The following SBK1 variants were observed in gnomAD, a reference collection of about 807,000 sequenced individuals.
SBK1 encodes serine/threonine-protein kinase SBK1.
In SBK1, 11 loss-of-function variants were observed where a neutral mutation model predicts 24.4. That is an observed-to-expected ratio of 0.45 (90% confidence interval 0.28 to 0.75). The LOEUF is 0.75. SBK1 is among the 30% of genes least tolerant of loss of function. The probability of loss-of-function intolerance (pLI) is 0.12; values close to 1 mark genes in which losing one functional copy is unlikely to be tolerated. For missense variants in SBK1, 467 were observed against 620.5 expected (o/e 0.75, Z 2.63); for synonymous variants, 308 against 284.4 (o/e 1.08, Z -0.83).
intron 1 of SBK1, among the ~76,000 whole-genome samples, chr16:28,314,146 ATTG>A (rs1235366022): frequency 1.0e-5 from 1 of 98,484 alleles, no homozygotes; most frequent in African/African-American, 2.9e-5. Context: ...TGTCGTTATT[ATTG>A]TTATTATTAT....
intron 1 of SBK1, among the ~76,000 whole-genome samples, chr16:28,275,985 C>A (rs1157795409): frequency 2.0e-5 from 3 of 152,146 alleles, no homozygotes; most frequent in African/African-American, 7.2e-5. Flanking sequence ...AAGAAGGGAA[C>A]CTCTGAAGAA....
At chr16:28,269,032 CTTTTTTTTTT>C (rs1223749659) in intron 1 of SBK1, among the ~76,000 whole-genome samples, 29 of 130,244 alleles carry the variant, frequency 2.2e-4, no homozygotes, top group African/African-American at 7.9e-4. Context: ...AAGTTCTTTC[CTTTTTTTTTT>C]TTTTTTTTTG....
chr16:28,284,773 T>A (rs1344951278), intron 1 of SBK1: 2 of 152,206 alleles, frequency 1.3e-5, no homozygotes, highest in African/African-American at 4.8e-5. Context: ...AACTTCTTTC[T>A]TTTTCCTTCT....
chr16:28,304,810 G>A lies in SBK1; in HGVS notation c.-8+11510G>A, dbSNP rs570074973. Among the ~76,000 whole-genome samples, 11 of 152,016 alleles carry A rather than the reference G, an allele frequency of 7.2e-5. No homozygotes were observed. In the East Asian group the frequency reaches 9.7e-4, roughly 13 times the overall value. On this transcript the variant is annotated intron_variant, in intron 1 of 3. Transcript: ENST00000341901. ...TTTTTAGTAGAGATGGGGTTTCACC[G>A]TGTTAGCCAGGATGGTCTCGATCTC...
chr16:28,293,625 C>T (rs868544200), intron 1 of SBK1, among the ~76,000 whole-genome samples: 4 of 151,976 alleles, frequency 2.6e-5, no homozygotes, highest in African/African-American at 9.7e-5. Context: ...GAGGTTGGCC[C>T]CCAGGTCCTT....
In SBK1 at chr16:28,317,431, C is replaced by T; in HGVS notation, c.40C>T (p.Leu14=). The change falls in exon 2 of 4, where the codon CTG becomes TTG. Residue 14 remains leucine (L), a synonymous_variant. Transcript: ENST00000341901. The surrounding 1 kb of genome is among the most constrained non-coding windows in gnomAD (Gnocchi z 4.2). ...GCPEPEPPRS[L]TCCGPGTAPG... ...CCCAGAGCCTGAGCCGCCCCGCTCC[C>T]TGACCTGCTGTGGGCCGGGGACTGC... 1 of 1,614,162 alleles carries T rather than the reference C, an allele frequency of 6.2e-7. No individual in the cohort carries two copies. Among genetic ancestry groups the T allele is most frequent in the Non-Finnish European group, 8.5e-7 (1 of 1,180,030 alleles).
intron 1 of SBK1, among the ~76,000 whole-genome samples, chr16:28,299,487 C>T (rs1352124572): frequency 1.3e-5 from 2 of 152,186 alleles, no homozygotes; most frequent in East Asian, 3.9e-4. Context: ...TCAAATGGAC[C>T]TGATGGGACC....
At position 28,319,608 on chromosome 16, in the gene SBK1, T is replaced by G. The variant is rs2044823572; in HGVS notation, c.429+411T>G. 1.3e-5 allele frequency among the ~76,000 whole-genome samples: 2 copies of G among 151,914 alleles called. No homozygotes were observed. Among genetic ancestry groups the G allele is most frequent in the South Asian group, 2.1e-4 (1 of 4,802 alleles). ...TCTGCTCTGCCACTTGCTGGCTGAG[T>G]GATGAGACCTTCGGAGCAGGTCCTC... On this transcript the variant is annotated intron_variant, in intron 3 of 3. Coordinates refer to ENST00000341901, the MANE Select transcript of SBK1 (RefSeq NM_001024401.3). This position sits in a 1 kb window ranked among gnomAD's most constrained non-coding sequence, Gnocchi z 4.0.
upstream of SBK1, chr16:28,292,372 G>T: frequency 4.8e-6 from 1 of 208,888 alleles, no homozygotes; most frequent in Non-Finnish European, 8.2e-6. Flanking sequence ...TCCGCGGCGC[G>T]CGGCGGGAGG....
At chr16:28,316,323 G>A (rs1596554063) in intron 1 of SBK1, among the ~76,000 whole-genome samples, 1 of 152,224 alleles carries the variant, frequency 6.6e-6, no homozygotes, top group Admixed American at 6.5e-5. Flanking sequence ...ACTTTCGATC[G>A]TAATATACAA....
chr16:28,259,056 C>A (rs1455991781), upstream of SBK1: 3 of 152,520 alleles, frequency 2.0e-5, no homozygotes, highest in African/African-American at 7.2e-5. This position sits in a 1 kb window ranked among gnomAD's most constrained non-coding sequence, Gnocchi z 6.0. Flanking sequence ...CCTAGGGCTC[C>A]ACAGGGGCAG....
At chr16:28,263,596 ACGCAGG>A (rs1435050940) in intron 1 of SBK1, among the ~76,000 whole-genome samples, 1 of 152,218 alleles carries the variant, frequency 6.6e-6, no homozygotes, top group Non-Finnish European at 1.5e-5. Flanking sequence ...CAGTCAGGCC[ACGCAGG>A]CCTTGGCACC....
At chr16:28,258,921 C>T (rs762531640), upstream of SBK1, 12 of 152,936 alleles carry the variant, frequency 7.8e-5, no homozygotes, top group Admixed American at 1.3e-4. Flanking sequence ...CCTCTGCGGC[C>T]GTGCTGGCTG....
rs1339799108 is a variant in SBK1 at position 28,320,971 on chromosome 16, C to T, written c.*50C>T. ...GGGAGCAGCCCGGGCCCGCCCCGAG[C>T]CGGTGCCCGGTGCGGCGGTAGGGAA... On this transcript the variant is annotated 3_prime_UTR_variant, in exon 4 of 4. Coordinates refer to ENST00000341901, the MANE Select transcript of SBK1 (RefSeq NM_001024401.3). This position sits in a 1 kb window ranked among gnomAD's most constrained non-coding sequence, Gnocchi z 8.5. The T allele has an allele frequency of 2.3e-5, 30 of 1,331,818 alleles. No homozygotes were observed. The highest frequency in any genetic ancestry group is 2.7e-5 in the Non-Finnish European group (28 of 1,043,564). 82.5% of individuals were successfully genotyped at this position (1,331,818 alleles called of 1,614,324 possible). A position where few individuals can be genotyped will look rare whatever the true frequency, so the allele number is the denominator to read the frequency against.
At chr16:28,261,813 C>T (rs1396931987) in intron 1 of SBK1, among the ~76,000 whole-genome samples, 10 of 152,204 alleles carry the variant, frequency 6.6e-5, no homozygotes, top group African/African-American at 2.4e-4. Flanking sequence ...CAGAAAGAGA[C>T]AGGAATAGGC....
chr16:28,317,760 T>C lies in SBK1; in HGVS notation c.226+143T>C. ...AGGAGGCAGGGTCAGGGGCCAGATG[T>C]AGAGGATGAGGCCTGAGGCAGCCCA... On this transcript the variant is annotated intron_variant, in intron 2 of 3. Transcript: ENST00000341901. The surrounding 1 kb of genome is among the most constrained non-coding windows in gnomAD (Gnocchi z 4.2). 1 of 671,034 alleles carries C rather than the reference T, an allele frequency of 1.5e-6. No homozygotes were observed. The highest frequency in any genetic ancestry group is 1.8e-5 in the South Asian group (1 of 56,944). 41.6% of individuals were successfully genotyped at this position (671,034 alleles called of 1,614,324 possible).
chr16:28,291,570 AAAAAG>A (rs2044598889), upstream of SBK1: 2 of 152,306 alleles, frequency 1.3e-5, no homozygotes, highest in South Asian at 4.1e-4. Context: ...AAAACAAAAA[AAAAAG>A]AAAGAAATAG....
chr16:28,270,457 G>T (rs1281824367), intron 1 of SBK1, among the ~76,000 whole-genome samples: 1 of 150,360 alleles, frequency 6.7e-6, no homozygotes, highest in Non-Finnish European at 1.5e-5. Flanking sequence ...ACAGGGTTTT[G>T]CTCTGTCACC....
At chr16:28,307,474 T>C (rs2044725201) in intron 1 of SBK1, among the ~76,000 whole-genome samples, 3 of 152,174 alleles carry the variant, frequency 2.0e-5, no homozygotes, top group Admixed American at 2.0e-4. Context: ...ATGTGGTGGC[T>C]CACACCTGAA....
Sources: allele counts gnomAD v4.1 joint callset (sites outside exome capture counted in the v4.1 genomes callset), GRCh38; gene constraint gnomAD v4.1.1; non-coding constraint Gnocchi (gnomAD v3.1); transcripts MANE v1.5; gene names NCBI Gene and HGNC (gene_info 2026-07-23, HGNC 2026-07-21).